The following ADGRF3 variants were observed in gnomAD, a reference collection of about 807,000 sequenced individuals.
ADGRF3 encodes the protein G protein-coupled receptor 113.
ADGRF3 carries 85 observed loss-of-function variants against 93.2 expected under a neutral mutation model. The ratio of observed to expected loss-of-function variants is 0.91; its 90% confidence interval spans 0.77 to 1.09. ADGRF3 has a LOEUF of 1.09. ADGRF3 is among the 50% of genes least tolerant of loss of function. The pLI is 0.00. For missense variants in ADGRF3, 1,125 were observed against 1,246.2 expected (o/e 0.90, Z 1.46); for synonymous variants, 534 against 532.5 (o/e 1.00, Z -0.04).
At chr2:26,309,853 A>T in intron 12 of ADGRF3, 190 bp downstream of exon 12, 1 of 1,356,026 alleles carries the variant, frequency 7.4e-7, no homozygotes, top group Non-Finnish European at 1.0e-6. Context: ...CAGGACCCTG[A>T]TCCTGACTGC....
rs766896508 is a variant in ADGRF3, at chr2:26,310,771, C to G, written c.2753G>C (p.Trp918Ser). ...TAACAGAGTGGCCAGGCCCAGCCCC[C>G]AGGTGAGGCCAAAGATGGGTGTAAG... ...LILTPIFGLT[W>S]GLGLATLLEE... Residue 918 changes from tryptophan to serine, a missense_variant, in exon 10 of 14, where the codon TGG (tryptophan) becomes TCG (serine). Physicochemically the swap from Trp to Ser is radical, Grantham distance 177. Transcript: ENST00000651242. 1.2e-6 allele frequency: 2 copies of G among 1,613,566 alleles called. No homozygotes were observed. The highest frequency in any genetic ancestry group is 8.5e-7 in the Non-Finnish European group (1 of 1,179,700).
intron 1 of ADGRF3, among the ~76,000 whole-genome samples, chr2:26,343,685 C>T (rs1411381944): frequency 6.6e-6 from 1 of 152,158 alleles, no homozygotes; most frequent in African/African-American, 2.4e-5. Context: ...CCTCGTGATC[C>T]GCCCGACTCG....
chr2:26,342,038 A>G (rs1182418108), intron 1 of ADGRF3, among the ~76,000 whole-genome samples: 1 of 150,540 alleles, frequency 6.6e-6, no homozygotes, highest in African/African-American at 2.4e-5. Flanking sequence ...GCGCCACTGC[A>G]CTCCAGCCTA....
Position 26,336,365 on chromosome 2 carries a change from C to T in ADGRF3, c.114+9756G>A, listed in dbSNP as rs1043678697. 7.1e-5 allele frequency among the ~76,000 whole-genome samples: 9 copies of T among 126,312 alleles called. No individual in the cohort carries two copies. In the East Asian group the frequency reaches 1.0e-3, roughly 14 times the overall value. 82.9% of individuals were successfully genotyped at this position (126,312 alleles called of 152,430 possible). Reference sequence around the variant, plus strand: ...GTGTGTTTGTATGTATGTGTGTGTGCGTGTGTATGTGTGTCTGTTGGAAGG... The same window carrying T: ...GTGTGTTTGTATGTATGTGTGTGTGTGTGTGTATGTGTGTCTGTTGGAAGG... On this transcript the variant is annotated intron_variant, in intron 1 of 13. Transcript: ENST00000651242.
At chr2:26,316,078 C>T (rs1674628058) in intron 4 of ADGRF3, among the ~76,000 whole-genome samples, 197 bp downstream of exon 4, 2 of 152,176 alleles carry the variant, frequency 1.3e-5, no homozygotes, top group Admixed American at 6.5e-5. Context: ...GTCTCTGGGG[C>T]CTCTCTCATT....
intron 1 of ADGRF3, chr2:26,340,559 C>T (rs1314445410): frequency 6.6e-6 from 1 of 152,230 alleles, no homozygotes; most frequent in Non-Finnish European, 1.5e-5. Flanking sequence ...GTTGCATCTG[C>T]ATACCTGACA....
chr2:26,309,513 G>A lies in ADGRF3; in HGVS notation c.2993+13C>T. 1 of 1,610,428 alleles carries A rather than the reference G, an allele frequency of 6.2e-7. No homozygotes were observed. Among genetic ancestry groups the A allele is most frequent in the Non-Finnish European group, 8.5e-7 (1 of 1,178,708 alleles). On this transcript the variant is annotated intron_variant, in intron 13 of 13. Transcript: ENST00000651242. Reference sequence around the variant, plus strand: ...CCCTGCTTACGCTGCCCCTGAGAAAGCCTAGTTCTCACCTGGCAGTGTCGC... The same window carrying A: ...CCCTGCTTACGCTGCCCCTGAGAAAACCTAGTTCTCACCTGGCAGTGTCGC...
intron 1 of ADGRF3, among the ~76,000 whole-genome samples, chr2:26,329,028 T>G (rs1180437217): frequency 6.6e-6 from 1 of 152,232 alleles, no homozygotes; most frequent in Non-Finnish European, 1.5e-5. Flanking sequence ...AGAGGGATAT[T>G]ATCACGGATA....
rs935803384 is a variant in ADGRF3, at chr2:26,346,403, G to A, written c.-169C>T. The A allele has an allele frequency of 3.4e-5, 45 of 1,317,368 alleles. No homozygotes were observed. In the African/African-American group the frequency reaches 4.2e-4, roughly 12 times the overall value. 81.6% of individuals were successfully genotyped at this position (1,317,368 alleles called of 1,614,324 possible). A position where few individuals can be genotyped will look rare whatever the true frequency, so the allele number is the denominator to read the frequency against. The stretch of plus-strand genomic sequence containing the variant: ...GTGCCGCGTGGCTCCGGGCGGGCTG[G>A]CGGGCGTTCCTCCGGAGGTCCTGCG... On this transcript the variant is annotated 5_prime_UTR_variant, in exon 1 of 14. Transcript: ENST00000651242.
At chr2:26,319,150 G>T in intron 1 of ADGRF3, 1 of 1,262,112 alleles carries the variant, frequency 7.9e-7, no homozygotes, top group Non-Finnish European at 1.1e-6. Flanking sequence ...AGGGGAGGGA[G>T]CCAGGGCTGA....
Position 26,311,635 on chromosome 2 carries a change from C to T in ADGRF3, c.1889G>A (p.Ser630Asn). Reference sequence around the variant, plus strand: ...AAAGTCCATGATGACCTCTCCCTGGCTGAAGGCCCGGTCACCTGCCATGAT... The same window carrying T: ...AAAGTCCATGATGACCTCTCCCTGGTTGAAGGCCCGGTCACCTGCCATGAT... ...ISIMAGDRAF[S>N]QGEVIMDFGN... The change falls in exon 10 of 14, where the codon AGC (serine) becomes AAC (asparagine). Residue 630 changes from serine (S) to asparagine (N), a missense_variant. Transcript: ENST00000651242. The T allele has an allele frequency of 1.2e-6, 2 of 1,613,536 alleles. No homozygotes were observed. Among genetic ancestry groups the T allele is most frequent in the Non-Finnish European group, 1.7e-6 (2 of 1,179,900 alleles).
intron 12 of ADGRF3, 95 bp from the exon 13 acceptor site, chr2:26,309,676 ACTCC>A: frequency 2.0e-6 from 3 of 1,490,166 alleles, no homozygotes; most frequent in Non-Finnish European, 2.7e-6. Context: ...TCTCACATGC[ACTCC>A]TGCCTGTGCT....
intron 1 of ADGRF3, among the ~76,000 whole-genome samples, chr2:26,324,567 T>C (rs1675339862): frequency 6.6e-6 from 1 of 152,212 alleles, no homozygotes; most frequent in South Asian, 2.1e-4. Context: ...AGTGAAAATA[T>C]GTGGTATTTG....
chr2:26,317,087 C>CA (rs1674769377), intron 2 of ADGRF3, 32 bp from the exon 3 acceptor site: 1 of 1,578,806 alleles, frequency 6.3e-7, no homozygotes, highest in Non-Finnish European at 8.6e-7. Flanking sequence ...CTGGAGAGGA[C>CA]AGGCAGCGAG....
chr2:26,330,216 G>C (rs904510297), intron 1 of ADGRF3, among the ~76,000 whole-genome samples: 1 of 152,110 alleles, frequency 6.6e-6, no homozygotes, highest in East Asian at 1.9e-4. Flanking sequence ...TGGCCGGCCC[G>C]GGACCTGCGT....
chr2:26,323,450 G>A (rs1675268426), intron 1 of ADGRF3, among the ~76,000 whole-genome samples: 1 of 152,150 alleles, frequency 6.6e-6, no homozygotes, highest in African/African-American at 2.4e-5. Flanking sequence ...AAGGCTGCTA[G>A]TAAGCAGTGC....
At chr2:26,314,099 C>T (rs112077139) in intron 6 of ADGRF3, among the ~76,000 whole-genome samples, 196 bp from the exon 7 acceptor site, 1 of 152,188 alleles carries the variant, frequency 6.6e-6, no homozygotes, top group Non-Finnish European at 1.5e-5. Context: ...TGTGGGGTCT[C>T]TAACAAGCTC....
chr2:26,342,330 AT>A, intron 1 of ADGRF3, among the ~76,000 whole-genome samples: 1 of 152,154 alleles, frequency 6.6e-6, no homozygotes, highest in Admixed American at 6.5e-5. Context: ...TAAGGCATTC[AT>A]TTTTATTTTA....
chr2:26,328,701 C>T (rs1223829551), intron 1 of ADGRF3, among the ~76,000 whole-genome samples: 1 of 152,248 alleles, frequency 6.6e-6, no homozygotes, highest in African/African-American at 2.4e-5. Context: ...ATCCGCCCGC[C>T]TCAGCCTCCC....
Sources: allele counts gnomAD v4.1 joint callset (sites outside exome capture counted in the v4.1 genomes callset), GRCh38; gene constraint gnomAD v4.1.1; transcripts MANE v1.5; gene names NCBI Gene and HGNC (gene_info 2026-07-23, HGNC 2026-07-21).